Variants in NDST3 observed in about 807,000 individuals in gnomAD.
NDST3 encodes the protein bifunctional heparan sulfate N-deacetylase/N-sulfotransferase 3.
In NDST3, 58 loss-of-function variants were observed where a neutral mutation model predicts 96.1. The ratio of observed to expected loss-of-function variants is 0.60; its 90% CI spans 0.49 to 0.75. The LOEUF is 0.75. Among genes scored for constraint, NDST3 ranks in the 30% least tolerant of loss-of-function variants. NDST3 has a pLI of 0.00. For synonymous variants in NDST3, 333 were observed against 359.7 expected (o/e 0.93, Z 0.84); for missense variants, 788 against 1,034.2 (o/e 0.76, Z 3.27).
chr4:118,153,539 T>A (rs1734536122), intron 6 of NDST3, among the ~76,000 whole-genome samples: 3 of 152,200 alleles, frequency 2.0e-5, no homozygotes. Context: ...TGTAATAAGT[T>A]TGGCTGGGTG....
chr4:118,253,296 GAAC>G (rs1255297441), intron 12 of NDST3, among the ~76,000 whole-genome samples, 200 bp from the exon 13 acceptor site: 4 of 152,288 alleles, frequency 2.6e-5, no homozygotes, highest in Non-Finnish European at 4.4e-5. Flanking sequence ...TATGACAGAT[GAAC>G]TCAGAATTTA....
intron 6 of NDST3, among the ~76,000 whole-genome samples, chr4:118,162,184 T>C (rs1464934002): frequency 6.6e-6 from 1 of 152,058 alleles, no homozygotes; most frequent in East Asian, 1.9e-4. Context: ...CCCAAGGTAA[T>C]TTACAGATTC....
At chr4:118,219,975 C>G (rs548520043) in intron 6 of NDST3, among the ~76,000 whole-genome samples, 1 of 152,150 alleles carries the variant, frequency 6.6e-6, no homozygotes, top group East Asian at 1.9e-4. Flanking sequence ...CCATCTCACA[C>G]TGGTGAGGTT....
intron 6 of NDST3, among the ~76,000 whole-genome samples, chr4:118,182,605 T>A (rs1447802005): frequency 1.3e-5 from 2 of 152,050 alleles, no homozygotes; most frequent in East Asian, 3.9e-4. Context: ...AGAATTGAAA[T>A]GATCAAAGGA....
chr4:118,115,246 T>C (rs973208258), intron 4 of NDST3, among the ~76,000 whole-genome samples: 4 of 151,956 alleles, frequency 2.6e-5, no homozygotes, highest in Non-Finnish European at 5.9e-5. Flanking sequence ...CCAGAAGGAG[T>C]TTCCTGCTGC....
chr4:118,241,577 T>C (rs1445334007), intron 11 of NDST3, among the ~76,000 whole-genome samples: 4 of 152,222 alleles, frequency 2.6e-5, no homozygotes, highest in South Asian at 2.1e-4. Flanking sequence ...ATTCTCCATA[T>C]GGATTATCGA....
chr4:118,149,077 T>C (rs532818375), intron 6 of NDST3, among the ~76,000 whole-genome samples: 44 of 152,282 alleles, frequency 2.9e-4, no homozygotes, highest in African/African-American at 1.1e-3. Flanking sequence ...ATATGCAGCA[T>C]TATTTCTGAG....
intron 2 of NDST3, among the ~76,000 whole-genome samples, chr4:118,082,659 G>A (rs1215354814): frequency 1.3e-5 from 2 of 152,120 alleles, no homozygotes; most frequent in African/African-American, 2.4e-5. Flanking sequence ...TTTTACAGAT[G>A]TCCTCAAAAC....
At chr4:118,129,222 A>G (rs1732390798) in intron 4 of NDST3, among the ~76,000 whole-genome samples, 1 of 150,978 alleles carries the variant, frequency 6.6e-6, no homozygotes, top group South Asian at 2.1e-4. Context: ...CTTTTCTCCT[A>G]TTATTTTTGG....
chr4:118,212,459 G>T (rs1424435596), intron 6 of NDST3, among the ~76,000 whole-genome samples: 1 of 152,196 alleles, frequency 6.6e-6, no homozygotes, highest in Non-Finnish European at 1.5e-5. Context: ...TTGGTAAATT[G>T]AGCCCAGGAG....
chr4:118,132,922 C>T (rs531129432), intron 4 of NDST3, among the ~76,000 whole-genome samples: 69 of 152,198 alleles, frequency 4.5e-4, no homozygotes, highest in African/African-American at 1.7e-3. Context: ...TGTAGCTGAG[C>T]CGGTATCCAA....
intron 2 of NDST3, among the ~76,000 whole-genome samples, chr4:118,085,837 C>G (rs1728376441): frequency 6.6e-6 from 1 of 152,138 alleles, no homozygotes; most frequent in Admixed American, 6.6e-5. Flanking sequence ...TTCTGTCAAC[C>G]TGTTTAGCTT....
chr4:118,040,603 G>C (rs754038608), intron 1 of NDST3, among the ~76,000 whole-genome samples: 8 of 151,872 alleles, frequency 5.3e-5, no homozygotes, highest in Non-Finnish European at 1.0e-4. Flanking sequence ...CTCATTTCCT[G>C]TGTTATTTCT....
At chr4:118,100,185 A>C (rs1267249938) in intron 2 of NDST3, among the ~76,000 whole-genome samples, 1 of 152,050 alleles carries the variant, frequency 6.6e-6, no homozygotes, top group Non-Finnish European at 1.5e-5. Context: ...CATCCAATTT[A>C]CTGAGGGATT....
chr4:118,177,967 TA>T (rs1419370451), intron 6 of NDST3, among the ~76,000 whole-genome samples: 4 of 151,744 alleles, frequency 2.6e-5, no homozygotes, highest in African/African-American at 9.7e-5. Context: ...CAATGAGAAA[TA>T]AAGTTGGATA....
At chr4:118,117,170 TATTTTGTTGCAAG>T (rs1364734099) in intron 4 of NDST3, among the ~76,000 whole-genome samples, 3 of 152,190 alleles carry the variant, frequency 2.0e-5, no homozygotes, top group African/African-American at 7.2e-5. Flanking sequence ...AAGTAGAATT[TATTTTGTTGCAAG>T]AGGATAGATA....
In NDST3 at chr4:118,242,967, G is replaced by A. The variant is rs145993165; in HGVS notation, c.2399+818G>A. Among the ~76,000 whole-genome samples, 94 of 152,144 alleles carry A rather than the reference G, an allele frequency of 6.2e-4. 3 individuals are homozygous for A. The South Asian group carries it at 0.011, about 19-fold the overall frequency. ...TTGAAGAAGACCTCTATCTTACTGCGTCCATTTAGAATAGTTGGCAATCAG... is the reference window on the plus strand; with the variant it reads ...TTGAAGAAGACCTCTATCTTACTGCATCCATTTAGAATAGTTGGCAATCAG... On this transcript the variant is annotated intron_variant, in intron 12 of 13. Transcript: ENST00000296499.
At chr4:118,086,593 A>T (rs920262212) in intron 2 of NDST3, among the ~76,000 whole-genome samples, 4 of 152,168 alleles carry the variant, frequency 2.6e-5, no homozygotes, top group African/African-American at 7.2e-5. Flanking sequence ...ACAAAAAATC[A>T]CATTTAGTGT....
chr4:118,096,150 G>A (rs1468011988), intron 2 of NDST3, among the ~76,000 whole-genome samples: 1 of 151,878 alleles, frequency 6.6e-6, no homozygotes, highest in African/African-American at 2.4e-5. Context: ...TCACCAAAAT[G>A]TTTTCCAAAG....
Sources: allele counts gnomAD v4.1 joint callset (sites outside exome capture counted in the v4.1 genomes callset), GRCh38; gene constraint gnomAD v4.1.1; transcripts MANE v1.5; gene names NCBI Gene and HGNC (gene_info 2026-07-23, HGNC 2026-07-21).